JRK: variants seen among roughly 807,000 people sequenced by gnomAD.
The protein encoded by JRK is Jrk helix-turn-helix protein, also known as jerky protein homolog.
For synonymous variants in JRK, 303 were observed against 218.1 expected, an observed-to-expected ratio of 1.39 and a Z score of -3.43; for missense variants, 720 against 509.2, an observed-to-expected ratio of 1.41 and a Z score of -3.98.
Position 142,666,062 on chromosome 8 carries a change from G to A in JRK, c.-4C>T, listed in dbSNP as rs782381627. 2 of 1,606,938 alleles carry A rather than the reference G, an allele frequency of 1.2e-6. No individual in the cohort carries two copies. Among genetic ancestry groups the A allele is most frequent in the African/African-American group, 2.7e-5 (2 of 74,960 alleles). On this transcript the variant is annotated 5_prime_UTR_variant, in exon 2 of 2. Transcript: ENST00000612905. ...CGGCAGCCGGCTTGGAGGCCATGGG[G>A]AGGGGTGGCTGGTCCTAGCACTTGC...
In JRK at chr8:142,664,552, G is replaced by A. The variant is rs141192000; in HGVS notation, c.1507C>T (p.Arg503Trp). 1,172 of 1,607,352 alleles carry A rather than the reference G, an allele frequency of 7.3e-4. 16 individuals are homozygous for A. The East Asian group carries it at 0.02, about 28-fold the overall frequency. ...AFDAVLRFAERQPCFSAQEVG... is the reference protein window; with the variant it reads ...AFDAVLRFAEWQPCFSAQEVG... ...TCCTGCGCACTGAAGCATGGCTGCC[G>A]CTCCGCAAAGCGCAGGACTGCGTCA... The change falls in exon 2 of 2, where the codon CGG becomes TGG. Residue 503 changes from arginine to tryptophan, a missense_variant. Transcript: ENST00000612905.
Position 142,663,761 on chromosome 8 carries a change from G to A in JRK, c.*591C>T. ...TTCCAGAGTCATTCTGCTGAATGAGGCCACAACTGAAGTGAGATGTGCGGC... is the reference window on the plus strand; with the variant it reads ...TTCCAGAGTCATTCTGCTGAATGAGACCACAACTGAAGTGAGATGTGCGGC... On this transcript the variant is annotated 3_prime_UTR_variant, in exon 2 of 2. Transcript: ENST00000612905. 1 of 985,558 alleles carries A rather than the reference G, an allele frequency of 1.0e-6. No individual in the cohort carries two copies. Among genetic ancestry groups the A allele is most frequent in the Non-Finnish European group, 1.2e-6 (1 of 830,012 alleles). The allele number at this position is 985,558 out of a possible 1,614,324, so 61.1% of individuals were successfully genotyped here.
Position 142,661,260 on chromosome 8 carries a change from C to A in JRK, c.*3092G>T. 1 of 985,500 alleles carries A rather than the reference C, an allele frequency of 1.0e-6. No homozygotes were observed. Among genetic ancestry groups the A allele is most frequent in the African/African-American group, 1.7e-5 (1 of 57,330 alleles). The allele number at this position is 985,500 out of a possible 1,614,324, so 61.0% of individuals were successfully genotyped here. A position where few individuals can be genotyped will look rare whatever the true frequency, so the allele number is the denominator to read the frequency against. ...CAGGCAGGACAGGTGTTCTGTAAAC[C>A]AACCCCAACGTAGAAGGGGCTGAAA... On this transcript the variant is annotated 3_prime_UTR_variant, in exon 2 of 2. Transcript: ENST00000612905.
chr8:142,645,166 G>A, the JRK span, among the ~76,000 whole-genome samples: 1 of 152,240 alleles, frequency 6.6e-6, no homozygotes, highest in South Asian at 2.1e-4. Context: ...TTTAGTTCCT[G>A]TCAGTGTTTA....
chr8:142,658,873 C>T lies in JRK; in HGVS notation c.*5479G>A, dbSNP rs587626746. ...TCCAACATTATGTCTCTGTAGAGGC[C>T]TCCAGGCAGCACTTAGGAATTGCCA... On this transcript the variant is annotated 3_prime_UTR_variant, in exon 2 of 2. Coordinates refer to ENST00000612905, the MANE Select transcript of JRK (RefSeq NM_003724.4). 4.5e-5 allele frequency: 72 copies of T among 1,613,480 alleles called. 1 individual carries two copies. The South Asian group carries it at 7.7e-4, about 17-fold the overall frequency.
Position 142,659,863 on chromosome 8 carries a change from A to C in JRK, c.*4489T>G. On this transcript the variant is annotated 3_prime_UTR_variant, in exon 2 of 2. Transcript: ENST00000612905. ...TCACACCTGCCCCTCCCTGGGCCCC[A>C]GTCTCATCCCTAAACAGGAGTGACC... The C allele has an allele frequency of 1.0e-6, 1 of 985,620 alleles. No individual in the cohort carries two copies. The highest frequency in any genetic ancestry group is 1.2e-6 in the Non-Finnish European group (1 of 830,056). 61.1% of individuals were successfully genotyped at this position (985,620 alleles called of 1,614,324 possible).
In JRK at chr8:142,659,172, G is replaced by A; in HGVS notation, c.*5180C>T. The A allele has an allele frequency of 7.6e-7, 1 of 1,324,220 alleles. No homozygotes were observed. The highest frequency in any genetic ancestry group is 1.5e-5 in the African/African-American group (1 of 67,302). The allele number at this position is 1,324,220 out of a possible 1,614,324, so 82.0% of individuals were successfully genotyped here. A position where few individuals can be genotyped will look rare whatever the true frequency, so the allele number is the denominator to read the frequency against. ...GGCAGCTCCTCCCACTGAGCCTCAT[G>A]GTCACCCCAGAGGACAGGCCTTCCT... On this transcript the variant is annotated 3_prime_UTR_variant, in exon 2 of 2. Coordinates refer to ENST00000612905, the MANE Select transcript of JRK (RefSeq NM_003724.4).
chr8:142,653,210 C>T (rs10099890), downstream of JRK, among the ~76,000 whole-genome samples: 1,222 of 152,284 alleles, frequency 8.0e-3, 15 homozygotes, highest in African/African-American at 0.028. Flanking sequence ...ACTAAGCCAC[C>T]CTCGTAATAC....
downstream of JRK, among the ~76,000 whole-genome samples, chr8:142,654,387 C>T (rs1325213171): frequency 1.3e-5 from 2 of 152,094 alleles, no homozygotes; most frequent in Admixed American, 1.3e-4. Context: ...GATGTCTTCC[C>T]TCTGCAGCCA....
downstream of JRK, among the ~76,000 whole-genome samples, chr8:142,657,054 C>T (rs187006245): frequency 5.3e-5 from 8 of 152,318 alleles, no homozygotes; most frequent in South Asian, 6.2e-4. Context: ...GCCACATCCG[C>T]GCAGCACACA....
rs1478118513 is a variant in JRK at position 142,661,746 on chromosome 8, C to CTGTGG, written c.*2601_*2605dup. The CTGTGG allele has an allele frequency of 1.0e-6, 1 of 985,368 alleles. No homozygotes were observed. Among genetic ancestry groups the CTGTGG allele is most frequent in the Non-Finnish European group, 1.2e-6 (1 of 829,974 alleles). The allele number at this position is 985,368 out of a possible 1,614,324, so 61.0% of individuals were successfully genotyped here. Reference sequence around the variant, plus strand: ...AGAGACACAGCCTCACAGAGCTGTGCTGTGGTGTCTGGTACAGCGGGGCTC... The same window carrying CTGTGG: ...AGAGACACAGCCTCACAGAGCTGTGCTGTGGTGTGGTGTCTGGTACAGCGGGGCTC... On this transcript the variant is annotated 3_prime_UTR_variant, in exon 2 of 2. Coordinates refer to ENST00000612905, the MANE Select transcript of JRK (RefSeq NM_003724.4).
In JRK at chr8:142,660,715, A is replaced by G. The variant is rs1554634377; in HGVS notation, c.*3637T>C. ...CCACACCCGGATCCCCAATAAGCAC[A>G]TTTATGTGGGGCGTGAGGTGAGGTC... On this transcript the variant is annotated 3_prime_UTR_variant, in exon 2 of 2. Transcript: ENST00000612905. 9 of 985,472 alleles carry G rather than the reference A, an allele frequency of 9.1e-6. No individual in the cohort carries two copies. The highest frequency in any genetic ancestry group is 1.1e-5 in the Non-Finnish European group (9 of 829,982). The allele number at this position is 985,472 out of a possible 1,614,324, so 61.0% of individuals were successfully genotyped here.
rs1846995420 is a variant in JRK, at chr8:142,663,861, G to A, written c.*491C>T. 2.6e-5 allele frequency: 26 copies of A among 988,464 alleles called. No homozygotes were observed. The highest frequency in any genetic ancestry group is 3.0e-5 in the Non-Finnish European group (25 of 832,264). 61.2% of individuals were successfully genotyped at this position (988,464 alleles called of 1,614,324 possible). A position where few individuals can be genotyped will look rare whatever the true frequency, so the allele number is the denominator to read the frequency against. On this transcript the variant is annotated 3_prime_UTR_variant, in exon 2 of 2. Transcript: ENST00000612905. ...CGGACCTCAGGCAACCGTGCTCGGGGTCCACCCAACACGGGGATGGCCGCC... is the reference window on the plus strand; with the variant it reads ...CGGACCTCAGGCAACCGTGCTCGGGATCCACCCAACACGGGGATGGCCGCC...
chr8:142,669,099 G>A (rs1199398280), intron 1 of JRK, among the ~76,000 whole-genome samples: 2 of 152,018 alleles, frequency 1.3e-5, no homozygotes, highest in Non-Finnish European at 2.9e-5. Context: ...ACTCCGTCCT[G>A]TGTGAGGCTA....
chr8:142,653,770 A>G (rs782698078), downstream of JRK, among the ~76,000 whole-genome samples: 1 of 152,104 alleles, frequency 6.6e-6, no homozygotes, highest in Non-Finnish European at 1.5e-5. Flanking sequence ...CTCAGTGCAC[A>G]AGGACCTTTT....
the JRK span, among the ~76,000 whole-genome samples, chr8:142,646,642 A>C: frequency 3.3e-5 from 5 of 152,216 alleles, no homozygotes; most frequent in African/African-American, 1.2e-4. Context: ...TACTTTACCA[A>C]TAATTTTAAA....
At chr8:142,656,647 A>G (rs1348908576), downstream of JRK, among the ~76,000 whole-genome samples, 1 of 152,182 alleles carries the variant, frequency 6.6e-6, no homozygotes, top group Non-Finnish European at 1.5e-5. Flanking sequence ...TGTTTTTGAG[A>G]GCACCCTTAG....
chr8:142,667,428 C>T (rs955567376), intron 1 of JRK, among the ~76,000 whole-genome samples: 4 of 113,056 alleles, frequency 3.5e-5, no homozygotes, highest in Non-Finnish European at 5.6e-5. Flanking sequence ...TGGACGGACA[C>T]GGAGACACAC....
At chr8:142,646,544 T>C in the JRK span, among the ~76,000 whole-genome samples, 4 of 152,226 alleles carry the variant, frequency 2.6e-5, no homozygotes, top group Non-Finnish European at 5.9e-5. Context: ...TCTTGACACC[T>C]TACAGTATTT....
Sources: gnomAD v4.1 joint callset for allele counts (sites outside exome capture counted in the v4.1 genomes callset) on GRCh38, gnomAD v4.1.1 for gene constraint, MANE v1.5 for transcripts, NCBI Gene and HGNC (gene_info 2026-07-23, HGNC 2026-07-21) for gene names.